GABRG3: variants seen among roughly 807,000 people sequenced by gnomAD.
The protein encoded by GABRG3 is gamma-aminobutyric acid type A receptor subunit gamma3.
A neutral mutation model predicts 48.8 loss-of-function variants in GABRG3; 25 were observed. The ratio of observed to expected loss-of-function variants is 0.51; its 90% CI spans 0.37 to 0.72. The LOEUF (loss-of-function observed/expected upper bound fraction) is 0.72. Ranked by LOEUF, GABRG3 falls within the 30% of genes least tolerant of loss-of-function variation. The pLI is 0.00. For synonymous variants in GABRG3, 227 were observed against 217.6 expected (o/e 1.04, Z -0.38); for missense variants, 394 against 577.9 (o/e 0.68, Z 3.26).
intron 5 of GABRG3, among the ~76,000 whole-genome samples, chr15:27,406,455 A>C (rs920382864): frequency 2.0e-5 from 3 of 152,194 alleles, no homozygotes; most frequent in African/African-American, 7.2e-5. Context: ...ACCAGTGATG[A>C]GCCATGTGGA....
At chr15:27,313,264 A>G (rs13329181) in intron 3 of GABRG3, among the ~76,000 whole-genome samples, 2,874 of 10,068 alleles carry the variant, frequency 0.29, 69 homozygotes, top group African/African-American at 0.32. Context: ...GTGTGTGTGT[A>G]TATATATATA....
chr15:27,364,959 G>T (rs1482922699), intron 5 of GABRG3: 1 of 141,030 alleles, frequency 7.1e-6, no homozygotes, highest in African/African-American at 2.8e-5. Flanking sequence ...CTAGGACAAA[G>T]AATTTTTGTA....
chr15:27,093,593 G>C (rs1023643302), intron 3 of GABRG3, among the ~76,000 whole-genome samples: 1 of 152,108 alleles, frequency 6.6e-6, no homozygotes, highest in Admixed American at 6.5e-5. Context: ...ATTATGCATG[G>C]TCGTAGCTAT....
chr15:27,530,153 G>A (rs73373619), intron 9 of GABRG3, among the ~76,000 whole-genome samples: 2,596 of 152,292 alleles, frequency 0.017, 78 homozygotes, highest in African/African-American at 0.058. Context: ...GCCAGACTCC[G>A]TGAACTGTCA....
At chr15:27,133,232 G>A (rs942751003) in intron 3 of GABRG3, among the ~76,000 whole-genome samples, 2 of 151,976 alleles carry the variant, frequency 1.3e-5, no homozygotes, top group African/African-American at 4.8e-5. Context: ...CTTTCTATTA[G>A]AAAATACTAC....
intron 3 of GABRG3, among the ~76,000 whole-genome samples, chr15:27,298,045 A>C (rs1892061916): frequency 6.6e-6 from 1 of 152,158 alleles, no homozygotes. Context: ...ATCCAAAAGA[A>C]GTAAGTAAAG....
At position 27,131,113 on chromosome 15, in the gene GABRG3, G is replaced by A. The variant is rs775458672; in HGVS notation, c.270+104292G>A. Among the ~76,000 whole-genome samples the A allele has an allele frequency of 1.3e-3, 203 of 151,992 alleles. 3 individuals are homozygous for A. The highest frequency in any genetic ancestry group is 4.9e-4 in the Non-Finnish European group (33 of 67,942). On this transcript the variant is annotated intron_variant, in intron 3 of 9. Transcript: ENST00000615808. The stretch of plus-strand genomic sequence containing the variant: ...TAAAGTGGGCATTCTTGTCCTGTCC[G>A]TGATTTTAGAGGAAAAGCTTTCAGT...
intron 5 of GABRG3, among the ~76,000 whole-genome samples, chr15:27,426,542 T>G (rs1225347718): frequency 6.6e-6 from 1 of 152,042 alleles, no homozygotes; most frequent in Admixed American, 6.6e-5. Flanking sequence ...TGGCCAGGCG[T>G]GGTGTCTCAT....
chr15:27,281,768 TAATA>T (rs1891442210), intron 3 of GABRG3, among the ~76,000 whole-genome samples: 1 of 151,962 alleles, frequency 6.6e-6, no homozygotes, highest in African/African-American at 2.4e-5. Flanking sequence ...TTATAATTTT[TAATA>T]AATATATTTT....
At chr15:27,115,910 C>T (rs1020960128) in intron 3 of GABRG3, among the ~76,000 whole-genome samples, 1 of 152,170 alleles carries the variant, frequency 6.6e-6, no homozygotes, top group Non-Finnish European at 1.5e-5. Flanking sequence ...TCAGATTTTA[C>T]TCAAGACACT....
At chr15:27,106,123 G>A (rs188140723) in intron 3 of GABRG3, among the ~76,000 whole-genome samples, 1 of 152,200 alleles carries the variant, frequency 6.6e-6, no homozygotes, top group African/African-American at 2.4e-5. Context: ...ACCAGCGGTG[G>A]GTCCTGAGAA....
intron 3 of GABRG3, among the ~76,000 whole-genome samples, chr15:27,169,897 T>A (rs947262401): frequency 6.6e-6 from 1 of 151,540 alleles, no homozygotes; most frequent in Non-Finnish European, 1.5e-5. Context: ...CCAAAAACAA[T>A]GGAAAAACAT....
At chr15:27,208,447 A>G (rs1044890660) in intron 3 of GABRG3, 3 of 194,888 alleles carry the variant, frequency 1.5e-5, no homozygotes, top group African/African-American at 7.0e-5. Flanking sequence ...ACCTGCCCTC[A>G]GTGGTATTCA....
At chr15:27,241,289 A>G (rs1387342892) in intron 3 of GABRG3, among the ~76,000 whole-genome samples, 3 of 152,192 alleles carry the variant, frequency 2.0e-5, no homozygotes, top group African/African-American at 4.8e-5. Context: ...GTATCTCTCC[A>G]TGGAGTAAAA....
At chr15:27,371,262 T>A (rs118079328) in intron 5 of GABRG3, among the ~76,000 whole-genome samples, 2,197 of 151,504 alleles carry the variant, frequency 0.015, 29 homozygotes, top group Non-Finnish European at 0.022. Context: ...CTTCCTCTCT[T>A]TTCCCTGAGA....
intron 3 of GABRG3, among the ~76,000 whole-genome samples, chr15:27,218,172 C>A (rs1889328736): frequency 1.3e-5 from 2 of 152,074 alleles, no homozygotes; most frequent in African/African-American, 4.8e-5. Flanking sequence ...TGCTACCATG[C>A]CTGCCTAATT....
chr15:27,363,867 GAGAC>G (rs1258149454), intron 5 of GABRG3: 1 of 152,236 alleles, frequency 6.6e-6, no homozygotes, highest in Non-Finnish European at 1.5e-5. Flanking sequence ...AGCAAATGGA[GAGAC>G]AGACAGGTTG....
At chr15:27,518,615 A>G (rs534338135) in intron 6 of GABRG3, among the ~76,000 whole-genome samples, 24 of 152,316 alleles carry the variant, frequency 1.6e-4, no homozygotes, top group African/African-American at 5.5e-4. Flanking sequence ...AATAGGAACT[A>G]TCTAGATGCT....
rs1043235149 is a variant in GABRG3 at position 27,319,351 on chromosome 15, G to T, written c.271-7458G>T. On this transcript the variant is annotated intron_variant, in intron 3 of 9. Transcript: ENST00000615808. The surrounding 1 kb of genome is among the most constrained non-coding windows in gnomAD (Gnocchi z 4.4). ...ATATTCATATTGTTGTGAACATTGG[G>T]TACAGTGGGGCTATGTCAATTATTT... 6.6e-6 allele frequency among the ~76,000 whole-genome samples: 1 copy of T among 152,126 alleles called. No homozygotes were observed. The highest frequency in any genetic ancestry group is 2.4e-5 in the African/African-American group (1 of 41,422).
Sources: allele counts gnomAD v4.1 joint callset (sites outside exome capture counted in the v4.1 genomes callset), GRCh38; gene constraint gnomAD v4.1.1; non-coding constraint Gnocchi (gnomAD v3.1); transcripts MANE v1.5; gene names NCBI Gene and HGNC (gene_info 2026-07-23, HGNC 2026-07-21).